The following CADPS variants were observed in gnomAD, a reference collection of about 807,000 sequenced individuals.
CADPS encodes calcium-dependent secretion activator 1.
CADPS carries 57 observed loss-of-function variants against 167.3 expected under a neutral mutation model. That is an observed-to-expected ratio of 0.34 (90% CI 0.28 to 0.42). CADPS has a LOEUF of 0.42. Ranked by LOEUF, CADPS falls within the 20% of genes least tolerant of loss-of-function variation. The pLI, the probability that CADPS is intolerant of heterozygous loss-of-function variation, is 1.00. For synonymous variants in CADPS, 676 were observed against 635.3 expected (o/e 1.06, Z -0.96); for missense variants, 1,414 against 1,738.1 (o/e 0.81, Z 3.32).
At chr3:62,426,448 C>T (rs991785738) in intron 28 of CADPS, among the ~76,000 whole-genome samples, 4 of 152,134 alleles carry the variant, frequency 2.6e-5, no homozygotes, top group Admixed American at 2.0e-4. Context: ...CGCGCCCGGC[C>T]GTGTGTTGGT....
intron 6 of CADPS, among the ~76,000 whole-genome samples, chr3:62,614,869 T>G (rs1009436530): frequency 6.6e-6 from 1 of 152,192 alleles, no homozygotes; most frequent in Non-Finnish European, 1.5e-5. Flanking sequence ...CTCACCCTTC[T>G]CAGCCTCTCT....
At chr3:62,561,453 T>TG (rs921600863) in intron 9 of CADPS, among the ~76,000 whole-genome samples, 18 of 150,060 alleles carry the variant, frequency 1.2e-4, no homozygotes, top group Admixed American at 1.0e-3. Flanking sequence ...GTAGAGATGG[T>TG]GGGGGGGATG....
intron 10 of CADPS, among the ~76,000 whole-genome samples, chr3:62,552,220 AC>A (rs2077419155): frequency 1.8e-5 from 2 of 109,974 alleles, no homozygotes; most frequent in East Asian, 2.8e-4. Flanking sequence ...ACACACCGGG[AC>A]CTGTTGTGGG....
intron 16 of CADPS, 40 bp from the exon 17 acceptor site, chr3:62,512,808 G>A (rs767630203): frequency 1.3e-6 from 2 of 1,582,632 alleles, no homozygotes; most frequent in Non-Finnish European, 1.7e-6. Context: ...AGAAGAGAGA[G>A]AAACAAGAAC....
At chr3:62,431,314 A>C (rs1014972528) in intron 28 of CADPS, among the ~76,000 whole-genome samples, 63 of 152,214 alleles carry the variant, frequency 4.1e-4, no homozygotes, top group African/African-American at 1.5e-3. Flanking sequence ...GCTGTGCCTT[A>C]TTCCAGTAGT....
At chr3:62,587,621 A>G (rs2084935380) in intron 7 of CADPS, among the ~76,000 whole-genome samples, 1 of 152,228 alleles carries the variant, frequency 6.6e-6, no homozygotes, top group Non-Finnish European at 1.5e-5. Context: ...GCAAAATCAC[A>G]GAGGGAGCAG....
intron 3 of CADPS, among the ~76,000 whole-genome samples, chr3:62,678,918 G>A (rs979317671): frequency 2.4e-4 from 37 of 152,076 alleles, no homozygotes; most frequent in African/African-American, 8.4e-4. Context: ...AGTTGTATAT[G>A]AGAAGAAAAC....
intron 1 of CADPS, among the ~76,000 whole-genome samples, chr3:62,771,543 G>C (rs2088758069): frequency 6.6e-6 from 1 of 152,126 alleles, no homozygotes; most frequent in South Asian, 2.1e-4. Flanking sequence ...CAGAGTAGCT[G>C]ACAGTACAAC....
chr3:62,614,926 G>C (rs1328016968), intron 6 of CADPS, among the ~76,000 whole-genome samples: 1 of 152,194 alleles, frequency 6.6e-6, no homozygotes, highest in African/African-American at 2.4e-5. Context: ...TCTTAGGGCA[G>C]TGAGAATTAA....
chr3:62,541,862 A>G (rs149933841), intron 11 of CADPS, among the ~76,000 whole-genome samples: 31 of 152,246 alleles, frequency 2.0e-4, no homozygotes, highest in African/African-American at 7.2e-4. Flanking sequence ...TATCAAGCAC[A>G]CTTATATGAT....
chr3:62,418,324 CTTTT>C (rs1227861106), intron 28 of CADPS, among the ~76,000 whole-genome samples: 4 of 115,084 alleles, frequency 3.5e-5, no homozygotes, highest in Non-Finnish European at 7.0e-5. Context: ...TTTTTTCTCT[CTTTT>C]TTTTTTTTTT....
intron 6 of CADPS, among the ~76,000 whole-genome samples, chr3:62,645,499 C>A (rs1299988683): frequency 6.6e-6 from 1 of 152,184 alleles, no homozygotes; most frequent in African/African-American, 2.4e-5. Flanking sequence ...CTAGAAAGGA[C>A]ACTGTTTCTT....
chr3:62,671,068 C>T (rs1187851266), intron 3 of CADPS, among the ~76,000 whole-genome samples: 2 of 152,190 alleles, frequency 1.3e-5, no homozygotes, highest in Admixed American at 6.5e-5. Context: ...ATCTACTAAG[C>T]TGCCTCTGTC....
chr3:62,765,931 A>G lies in CADPS; in HGVS notation c.495T>C (p.Asn165=), dbSNP rs2086737331. ...CGTCAGCCATGATCTGGGTTTCCCCATTGAGGAAAGCCTGAAACCGGTCCT... is the reference window on the plus strand; with the variant it reads ...CGTCAGCCATGATCTGGGTTTCCCCGTTGAGGAAAGCCTGAAACCGGTCCT... The part of the protein sequence containing the change: ...TVKDRFQAFL[N]GETQIMADEA... Residue 165 remains asparagine, a synonymous_variant, in exon 2 of 30, where the codon AAT becomes AAC. Coordinates refer to ENST00000383710, the MANE Select transcript of CADPS (RefSeq NM_003716.4). 1 of 1,613,652 alleles carries G rather than the reference A, an allele frequency of 6.2e-7. No homozygotes were observed. The highest frequency in any genetic ancestry group is 8.5e-7 in the Non-Finnish European group (1 of 1,179,638).
intron 3 of CADPS, among the ~76,000 whole-genome samples, chr3:62,687,217 TC>T (rs1239497863): frequency 6.6e-6 from 1 of 152,118 alleles, no homozygotes; most frequent in Non-Finnish European, 1.5e-5. Flanking sequence ...TTCTTGTTTT[TC>T]TGGAGGGCTG....
chr3:62,834,309 C>T (rs559384216), intron 1 of CADPS, among the ~76,000 whole-genome samples: 3 of 152,150 alleles, frequency 2.0e-5, no homozygotes, highest in Non-Finnish European at 4.4e-5. Context: ...TGGCTTTCAA[C>T]TGGCCCCATC....
chr3:62,417,859 C>T (rs1407401383), intron 28 of CADPS, among the ~76,000 whole-genome samples: 1 of 151,704 alleles, frequency 6.6e-6, no homozygotes, highest in East Asian at 1.9e-4. Context: ...AAAAAAAAAC[C>T]TAGCAATAAT....
chr3:62,578,540 G>T (rs1036497197), intron 8 of CADPS, among the ~76,000 whole-genome samples: 8 of 150,224 alleles, frequency 5.3e-5, no homozygotes, highest in Non-Finnish European at 8.9e-5. Context: ...AACCCGGGAG[G>T]CGGAGCTTGC....
intron 1 of CADPS, among the ~76,000 whole-genome samples, chr3:62,798,079 G>A (rs528876738): frequency 6.6e-6 from 1 of 152,246 alleles, no homozygotes; most frequent in South Asian, 2.1e-4. Context: ...ATACAAGTAA[G>A]CATTAAATAA....
Sources: allele counts gnomAD v4.1 joint callset (sites outside exome capture counted in the v4.1 genomes callset), GRCh38; gene constraint gnomAD v4.1.1; transcripts MANE v1.5; gene names NCBI Gene and HGNC (gene_info 2026-07-23, HGNC 2026-07-21).